LRRC43: variants seen among roughly 807,000 people sequenced by gnomAD.
The protein encoded by LRRC43 is leucine-rich repeat-containing protein 43.
LRRC43 carries 62 observed loss-of-function variants against 64.3 expected under a neutral mutation model. The observed-to-expected ratio is 0.96, with a 90% CI of 0.79 to 1.19. The LOEUF is 1.19. Ranked by LOEUF, LRRC43 falls within the 50% of genes most tolerant of loss-of-function variation. LRRC43 has a pLI of 0.00. For missense variants in LRRC43, 868 were observed against 845.0 expected (o/e 1.03, Z -0.34); for synonymous variants, 422 against 382.3 (o/e 1.10, Z -1.21).
intron 7 of LRRC43, among the ~76,000 whole-genome samples, chr12:122,199,079 C>G (rs538964010): frequency 6.8e-6 from 1 of 146,638 alleles, no homozygotes; most frequent in Non-Finnish European, 1.5e-5. Context: ...CCAGGTTCAA[C>G]GTTCAACTTG....
chr12:122,203,306 T>C lies in LRRC43; in HGVS notation c.1844-9T>C, dbSNP rs369996509. On this transcript the variant is annotated splice_polypyrimidine_tract_variant and intron_variant, in intron 11 of 11. Coordinates refer to ENST00000339777, the MANE Select transcript of LRRC43 (RefSeq NM_001098519.2). Reference sequence around the variant, plus strand: ...CCCGGGGCTCATGCTCGCACTTAAATTTTCTCAGAAAAGCCGAAAGCCGTG... The same window carrying C: ...CCCGGGGCTCATGCTCGCACTTAAACTTTCTCAGAAAAGCCGAAAGCCGTG... The C allele has an allele frequency of 1.9e-6, 3 of 1,610,186 alleles. No individual in the cohort carries two copies. In the African/African-American group the frequency reaches 4.0e-5, roughly 22 times the overall value.
chr12:122,175,703 G>T (rs1433203157), intron 1 of LRRC43, among the ~76,000 whole-genome samples: 4 of 151,090 alleles, frequency 2.6e-5, no homozygotes, highest in South Asian at 2.1e-4. Flanking sequence ...TTTCGCTCTT[G>T]TTGCCCAGGC....
intron 1 of LRRC43, among the ~76,000 whole-genome samples, chr12:122,177,812 T>TTTTATTATTTATTTATTTA (rs142883484): frequency 1.5e-4 from 21 of 138,492 alleles, no homozygotes; most frequent in Middle Eastern, 3.7e-3. Context: ...ACCTTTGTGG[T>TTTTATTATTTATTTATTTA]TTTATTTATT....
chr12:122,172,879 G>GTGT (rs1953501708), intron 1 of LRRC43: 1 of 707,128 alleles, frequency 1.4e-6, no homozygotes, highest in Admixed American at 2.9e-5. Flanking sequence ...CTATGAGGCT[G>GTGT]TGCCATCACC....
chr12:122,169,313 C>T (rs1237509530), intron 1 of LRRC43, among the ~76,000 whole-genome samples: 2 of 152,196 alleles, frequency 1.3e-5, no homozygotes, highest in African/African-American at 2.4e-5. Context: ...TAAAGTTTCA[C>T]CTGCTAACTT....
Position 122,200,466 on chromosome 12 carries a change from G to A in LRRC43, c.1492-66G>A. On this transcript the variant is annotated intron_variant, in intron 8 of 11. Transcript: ENST00000339777. The surrounding 1 kb of genome is among the most constrained non-coding windows in gnomAD (Gnocchi z 4.6). ...CTCAGCGCCATTCCAGAAAGGGTGA[G>A]GGAGAGGTGACCCCAGGCAGCCCGC... The A allele has an allele frequency of 6.2e-7, 1 of 1,611,864 alleles. No homozygotes were observed. The highest frequency in any genetic ancestry group is 2.2e-5 in the East Asian group (1 of 44,858).
intron 2 of LRRC43, among the ~76,000 whole-genome samples, chr12:122,185,919 C>T (rs541311498): frequency 2.0e-5 from 3 of 152,304 alleles, no homozygotes; most frequent in African/African-American, 4.8e-5. Flanking sequence ...GGTTCCTGCC[C>T]TCGCAGGTGG....
In LRRC43 at chr12:122,190,139, C is replaced by G. The variant is rs773525458; in HGVS notation, c.672C>G (p.Leu224=). 2 of 1,614,016 alleles carry G rather than the reference C, an allele frequency of 1.2e-6. No homozygotes were observed. Among genetic ancestry groups the G allele is most frequent in the Non-Finnish European group, 8.5e-7 (1 of 1,179,934 alleles). Residue 224 remains leucine, a synonymous_variant, in exon 5 of 12, where the codon CTC becomes CTG. Coordinates refer to ENST00000339777, the MANE Select transcript of LRRC43 (RefSeq NM_001098519.2). The part of the protein sequence containing the change: ...LYVTANHWPN[L]VSLDLGFNDL... ...CCTGCTCACCTTCCAGGCCCAACCT[C>G]GTCTCCCTGGACCTGGGCTTCAACG...
In LRRC43 at chr12:122,192,827, TTGAAGAGGTTAC is replaced by T; in HGVS notation, c.1182_1193del (p.Thr395_Val398del). On this transcript the variant is annotated inframe_deletion, in exon 7 of 12. Transcript: ENST00000339777. Reference sequence around the variant, plus strand: ...GTGGAAGACGTCATCGAAGACATTGTTGAAGAGGTTACTGAAGAGGTCGAAGGGTCTCTGGAG... The same window carrying T: ...GTGGAAGACGTCATCGAAGACATTGTTGAAGAGGTCGAAGGGTCTCTGGAG... The T allele has an allele frequency of 6.2e-7, 1 of 1,614,128 alleles. No homozygotes were observed. Among genetic ancestry groups the T allele is most frequent in the Non-Finnish European group, 8.5e-7 (1 of 1,180,036 alleles).
upstream of LRRC43, chr12:122,182,875 G>T (rs1029823110): frequency 9.9e-6 from 5 of 504,954 alleles, no homozygotes; most frequent in African/African-American, 4.1e-5. Context: ...TGTCAGATGG[G>T]TATAGGATGA....
chr12:122,176,081 G>A (rs1308933624), intron 1 of LRRC43, among the ~76,000 whole-genome samples: 2 of 152,144 alleles, frequency 1.3e-5, no homozygotes, highest in Non-Finnish European at 2.9e-5. Flanking sequence ...TGTGGGCTGC[G>A]GACAATAGCA....
In LRRC43 at chr12:122,190,547, T is replaced by C. The variant is rs770218930; in HGVS notation, c.901+179T>C. ...GCTTTCCACCAGGCTTTGATTCCTG[T>C]GATTGGGATTTGGAGACAGAAGTGA... On this transcript the variant is annotated intron_variant, in intron 5 of 11. Transcript: ENST00000339777. Among the ~76,000 whole-genome samples the C allele has an allele frequency of 3.3e-5, 5 of 152,140 alleles. No individual in the cohort carries two copies. In the South Asian group the frequency reaches 8.3e-4, roughly 25 times the overall value.
At position 122,191,426 on chromosome 12, in the gene LRRC43, C is replaced by T. The variant is rs939223409; in HGVS notation, c.948C>T (p.Ile316=). The change falls in exon 6 of 12, where the codon ATC becomes ATT. Residue 316 remains isoleucine (I), a synonymous_variant. Transcript: ENST00000339777. Reference sequence around the variant, plus strand: ...AGTTTGTGGTGACCATCGGAAACATCAGAGGAGTCCTGGACACCTCTGTCT... The same window carrying T: ...AGTTTGTGGTGACCATCGGAAACATTAGAGGAGTCCTGGACACCTCTGTCT... ...EAQFVVTIGN[I]RGVLDTSVLD... 1.2e-6 allele frequency: 2 copies of T among 1,613,908 alleles called. No individual in the cohort carries two copies. Among genetic ancestry groups the T allele is most frequent in the African/African-American group, 2.7e-5 (2 of 75,026 alleles).
rs1446490273 is a variant in LRRC43 at position 122,187,984 on chromosome 12, C to A, written c.662+144C>A. 3.8e-6 allele frequency: 3 copies of A among 784,002 alleles called. No individual in the cohort carries two copies. In the Admixed American group the frequency reaches 8.5e-5, roughly 22 times the overall value. 48.6% of individuals were successfully genotyped at this position (784,002 alleles called of 1,614,324 possible). A position where few individuals can be genotyped will look rare whatever the true frequency, so the allele number is the denominator to read the frequency against. ...CTAAATCCAGACTTATGGTTTATTT[C>A]TCTGAATCCCCCTTCAGTGGGATTT... On this transcript the variant is annotated intron_variant, in intron 4 of 11. Transcript: ENST00000339777.
At chr12:122,199,735 C>T (rs1401228962) in intron 7 of LRRC43, among the ~76,000 whole-genome samples, 2 of 152,130 alleles carry the variant, frequency 1.3e-5, no homozygotes, top group Non-Finnish European at 2.9e-5. Context: ...AGCCATGTGC[C>T]ACCACGCCCA....
At chr12:122,175,154 TTTTC>T (rs536364664) in intron 1 of LRRC43, among the ~76,000 whole-genome samples, 29 of 151,114 alleles carry the variant, frequency 1.9e-4, no homozygotes, top group South Asian at 4.2e-4. Flanking sequence ...ACTTTATTGC[TTTTC>T]TTTCTTTCTT....
Position 122,183,261 on chromosome 12 carries a change from T to C in LRRC43, c.117T>C (p.Cys39=). 1.3e-6 allele frequency: 2 copies of C among 1,560,042 alleles called. No homozygotes were observed. Among genetic ancestry groups the C allele is most frequent in the African/African-American group, 1.4e-5 (1 of 70,844 alleles). Residue 39 remains cysteine (C), a synonymous_variant, in exon 1 of 12, where the codon TGT becomes TGC. Coordinates refer to ENST00000339777, the MANE Select transcript of LRRC43 (RefSeq NM_001098519.2). ...TGCGCGAGCACTTGCGGAAGCTGTG[T>C]CTGCGCGAGTTCCCGTGCGGTGCCG... ...AAVREHLRKL[C]LREFPCGAGS... is the part of the protein sequence containing the mutation.
In LRRC43 at chr12:122,200,388, T is replaced by C. The variant is rs974113557; in HGVS notation, c.1491+58T>C. ...CAGGCTGCACTTCTGTCCTTGTTCCTGTTCCCATCGGGCTGTCCCCCATGG... is the reference window on the plus strand; with the variant it reads ...CAGGCTGCACTTCTGTCCTTGTTCCCGTTCCCATCGGGCTGTCCCCCATGG... On this transcript the variant is annotated intron_variant, in intron 8 of 11. Coordinates refer to ENST00000339777, the MANE Select transcript of LRRC43 (RefSeq NM_001098519.2). This position sits in a 1 kb window ranked among gnomAD's most constrained non-coding sequence, Gnocchi z 4.6. The C allele has an allele frequency of 8.7e-6, 14 of 1,608,218 alleles. No individual in the cohort carries two copies. The highest frequency in any genetic ancestry group is 5.0e-5 in the Admixed American group (3 of 59,802).
Position 122,200,096 on chromosome 12 carries a change from G to A in LRRC43, c.1350-93G>A. 7.2e-7 allele frequency: 1 copy of A among 1,382,262 alleles called. No individual in the cohort carries two copies. Among genetic ancestry groups the A allele is most frequent in the Non-Finnish European group, 9.9e-7 (1 of 1,006,456 alleles). 85.6% of individuals were successfully genotyped at this position (1,382,262 alleles called of 1,614,324 possible). A position where few individuals can be genotyped will look rare whatever the true frequency, so the allele number is the denominator to read the frequency against. On this transcript the variant is annotated intron_variant, in intron 7 of 11. Transcript: ENST00000339777. The surrounding 1 kb of genome is among the most constrained non-coding windows in gnomAD (Gnocchi z 4.6). ...CTGTTTGTGGGCTTCGATGCTCGTG[G>A]TCTCCTCGGATGTCCCCTCACAGTC...
Sources: gnomAD v4.1 joint callset for allele counts (sites outside exome capture counted in the v4.1 genomes callset) on GRCh38, gnomAD v4.1.1 for gene constraint, Gnocchi (gnomAD v3.1) non-coding constraint, MANE v1.5 for transcripts, NCBI Gene and HGNC (gene_info 2026-07-23, HGNC 2026-07-21) for gene names.